ASIC2: variants seen among roughly 807,000 people sequenced by gnomAD.
ASIC2 encodes acid sensing ion channel subunit 2.
Under a neutral mutation model 57.3 loss-of-function variants are expected in ASIC2, and 25 were observed. That is an observed-to-expected ratio of 0.44 (90% CI 0.32 to 0.61). The LOEUF is 0.61. Among genes scored for constraint, ASIC2 ranks in the 20% least tolerant of loss-of-function variants. The pLI is 0.06. For missense variants in ASIC2, 641 were observed against 738.1 expected (o/e 0.87, Z 1.52); for synonymous variants, 319 against 307.5 (o/e 1.04, Z -0.39).
At chr17:33,045,704 A>T (rs969697099) in intron 3 of ASIC2, among the ~76,000 whole-genome samples, 2 of 152,140 alleles carry the variant, frequency 1.3e-5, no homozygotes, top group Admixed American at 1.3e-4. Flanking sequence ...ACTGAGAGGG[A>T]GAGTCCTGAC....
intron 2 of ASIC2, among the ~76,000 whole-genome samples, chr17:33,094,801 C>G (rs531889116): frequency 6.6e-6 from 1 of 152,296 alleles, no homozygotes; most frequent in African/African-American, 2.4e-5. Context: ...TAAGGATCTC[C>G]CCAGAGATAG....
chr17:33,109,375 A>C (rs1244827912), intron 2 of ASIC2, among the ~76,000 whole-genome samples: 4 of 152,196 alleles, frequency 2.6e-5, no homozygotes, highest in African/African-American at 9.7e-5. Flanking sequence ...GGTCTATAGG[A>C]CAGCACTGAT....
chr17:34,123,967 A>G (rs1911700686), intron 1 of ASIC2, among the ~76,000 whole-genome samples: 1 of 152,136 alleles, frequency 6.6e-6, no homozygotes, highest in Non-Finnish European at 1.5e-5. Context: ...CTGTAGTCCC[A>G]GTTACTCGAG....
chr17:33,456,211 C>T (rs942228275), intron 1 of ASIC2, among the ~76,000 whole-genome samples: 1 of 152,146 alleles, frequency 6.6e-6, no homozygotes, highest in African/African-American at 2.4e-5. Context: ...AGATTGATTT[C>T]CCAGGCTTTG....
intron 2 of ASIC2, among the ~76,000 whole-genome samples, chr17:33,098,839 T>G (rs2092196309): frequency 6.6e-6 from 1 of 152,060 alleles, no homozygotes; most frequent in South Asian, 2.1e-4. Flanking sequence ...TCAAATCCTA[T>G]TCTACTACTT....
chr17:34,064,922 T>C lies in ASIC2; in HGVS notation c.555+91056A>G, dbSNP rs1164454087. ...GCAGTGAACAGGGAACACTTCCACA[T>C]GGCTAGTGGGAATGTAAACTAGTAC... is the stretch of plus-strand genomic sequence containing the variant. On this transcript the variant is annotated intron_variant, in intron 1 of 9. Transcript: ENST00000359872. Among the ~76,000 whole-genome samples, 5 of 152,310 alleles carry C rather than the reference T, an allele frequency of 3.3e-5. 1 individual carries two copies. The highest frequency in any genetic ancestry group is 1.2e-4 in the African/African-American group (5 of 41,574).
intron 1 of ASIC2, among the ~76,000 whole-genome samples, chr17:33,278,164 C>G (rs1904781008): frequency 6.6e-6 from 1 of 151,842 alleles, no homozygotes; most frequent in Non-Finnish European, 1.5e-5. Context: ...TGGCTTCAGG[C>G]AGCCCCTGCT....
At chr17:33,930,747 G>C (rs1166889831) in intron 1 of ASIC2, among the ~76,000 whole-genome samples, 1 of 152,206 alleles carries the variant, frequency 6.6e-6, no homozygotes, top group Non-Finnish European at 1.5e-5. Context: ...CAGAGTTCTG[G>C]GGGTACAGGA....
chr17:34,127,690 G>A (rs934359704), intron 1 of ASIC2, among the ~76,000 whole-genome samples: 1 of 152,220 alleles, frequency 6.6e-6, no homozygotes, highest in Non-Finnish European at 1.5e-5. Flanking sequence ...CCTGCTGCAG[G>A]ACGGATGCAA....
intron 1 of ASIC2, among the ~76,000 whole-genome samples, chr17:33,665,057 CA>C (rs1907425723): frequency 6.6e-6 from 1 of 150,914 alleles, no homozygotes; most frequent in Non-Finnish European, 1.5e-5. Flanking sequence ...TTTTTTAAGA[CA>C]AAGAAACAAG....
chr17:34,025,006 G>A (rs1031458453), intron 1 of ASIC2, among the ~76,000 whole-genome samples: 1 of 152,090 alleles, frequency 6.6e-6, no homozygotes, highest in African/African-American at 2.4e-5. Flanking sequence ...GCCAACATGG[G>A]GCCTCTTGGA....
At chr17:33,166,521 A>G (rs1905311864) in intron 1 of ASIC2, among the ~76,000 whole-genome samples, 2 of 152,152 alleles carry the variant, frequency 1.3e-5, no homozygotes, top group African/African-American at 4.8e-5. Flanking sequence ...TTGTTTCTGG[A>G]GTCCCTGAAC....
At chr17:33,808,626 CT>C (rs764815418) in intron 1 of ASIC2, among the ~76,000 whole-genome samples, 28 of 152,216 alleles carry the variant, frequency 1.8e-4, no homozygotes, top group Non-Finnish European at 4.0e-4. Context: ...AGATGCCCAT[CT>C]CTTCATCAAT....
In ASIC2 at chr17:33,985,964, T is replaced by A. The variant is rs77787561; in HGVS notation, c.555+170014A>T. 1.7e-3 allele frequency among the ~76,000 whole-genome samples: 253 copies of A among 152,330 alleles called. No individual in the cohort carries two copies. In the East Asian group the frequency reaches 0.02, roughly 12 times the overall value. ...CTGACAGCTAATTGTCTAACTCCATTGCCTTCTTCTTTTCTCAAAGGCCAC... is the reference window on the plus strand; with the variant it reads ...CTGACAGCTAATTGTCTAACTCCATAGCCTTCTTCTTTTCTCAAAGGCCAC... On this transcript the variant is annotated intron_variant, in intron 1 of 9. Transcript: ENST00000359872.
chr17:33,078,820 T>C (rs1197323187), intron 3 of ASIC2, among the ~76,000 whole-genome samples: 1 of 152,228 alleles, frequency 6.6e-6, no homozygotes, highest in Non-Finnish European at 1.5e-5. Flanking sequence ...GCTAGTCTTG[T>C]CCACTGGTAA....
chr17:33,370,587 G>A (rs767173475), intron 1 of ASIC2, among the ~76,000 whole-genome samples: 3 of 152,174 alleles, frequency 2.0e-5, no homozygotes, highest in African/African-American at 4.8e-5. Flanking sequence ...CAGGGTGGAG[G>A]GAGGGGTGAG....
intron 1 of ASIC2, among the ~76,000 whole-genome samples, chr17:33,950,820 C>G (rs1179034051): frequency 1.3e-5 from 2 of 152,232 alleles, no homozygotes; most frequent in Admixed American, 6.5e-5. Flanking sequence ...TTTTAAGCAC[C>G]ATCCCTGTTG....
At chr17:33,322,505 G>T (rs1157114611) in intron 1 of ASIC2, among the ~76,000 whole-genome samples, 7 of 152,156 alleles carry the variant, frequency 4.6e-5, no homozygotes, top group Non-Finnish European at 1.0e-4. Flanking sequence ...AGGTACAAGA[G>T]AATTAGAATT....
rs185024807 is a variant in ASIC2, at chr17:33,259,379, T to C, written c.708+32029A>G. ...AAACCCTGTAATTTATAACAGAATC[T>C]TGTAAACCTATGTATTATACATGTG... On this transcript the variant is annotated intron_variant, in intron 1 of 9. Transcript: ENST00000225823. Among the ~76,000 whole-genome samples the C allele has an allele frequency of 2.0e-5, 3 of 152,284 alleles. No homozygotes were observed. The East Asian group carries it at 5.8e-4, about 29-fold the overall frequency.
Sources: allele counts gnomAD v4.1 joint callset (sites outside exome capture counted in the v4.1 genomes callset), GRCh38; gene constraint gnomAD v4.1.1; transcripts MANE v1.5; gene names NCBI Gene and HGNC (gene_info 2026-07-23, HGNC 2026-07-21).